ANXA10: variants seen among roughly 807,000 people sequenced by gnomAD.
The protein encoded by ANXA10 is annexin 14.
In ANXA10, 49 loss-of-function variants were observed where a neutral mutation model predicts 53.5. The observed-to-expected ratio is 0.92, with a 90% confidence interval of 0.73 to 1.16. The LOEUF is 1.16. ANXA10 is among the 50% of genes most tolerant of loss of function. ANXA10 has a pLI of 0.00. For synonymous variants in ANXA10, 131 were observed against 128.9 expected (o/e 1.02, Z -0.11); for missense variants, 393 against 394.4 (o/e 1.00, Z 0.03).
chr4:168,177,977 C>A lies in ANXA10; in HGVS notation c.622C>A (p.Arg208=), dbSNP rs139578233. 14 of 1,613,110 alleles carry A rather than the reference C, an allele frequency of 8.7e-6. No homozygotes were observed. The African/African-American group carries it at 1.6e-4, about 18-fold the overall frequency. Residue 208 remains arginine (R), a synonymous_variant, in exon 8 of 12, where the codon CGG becomes AGG. Coordinates refer to ENST00000359299, the MANE Select transcript of ANXA10 (RefSeq NM_007193.5). ...GTGCAACAAGAGCTACCAGCAGCTG[C>A]GGCTGGGTAATTATTAACTGGGTTT... ...ILCNKSYQQL[R]LVFQEFQNIS... is the part of the protein sequence containing the mutation.
chr4:168,181,930 T>C (rs1732256454), intron 10 of ANXA10, among the ~76,000 whole-genome samples, 189 bp downstream of exon 10: 1 of 152,242 alleles, frequency 6.6e-6, no homozygotes, highest in Non-Finnish European at 1.5e-5. Context: ...AATAATGTTC[T>C]GCTTTCTGTA....
chr4:168,186,722 C>G (rs1300867898), intron 11 of ANXA10, among the ~76,000 whole-genome samples: 2 of 152,090 alleles, frequency 1.3e-5, no homozygotes, highest in Non-Finnish European at 2.9e-5. Context: ...TACTTTCAGT[C>G]ATTTTCTAAA....
chr4:168,174,832 G>A (rs1292674269), intron 6 of ANXA10, among the ~76,000 whole-genome samples: 1 of 152,206 alleles, frequency 6.6e-6, no homozygotes, highest in Non-Finnish European at 1.5e-5. Context: ...GGTGGAGGGA[G>A]TCGAGGCATT....
In ANXA10 at chr4:168,124,980, G is replaced by C. The variant is rs7683886; in HGVS notation, c.19-3104G>C. 2.3e-3 allele frequency among the ~76,000 whole-genome samples: 357 copies of C among 152,242 alleles called. 1 individual carries two copies. The highest frequency in any genetic ancestry group is 8.3e-3 in the African/African-American group (347 of 41,566). ...GAAGGCAAATTACATGAAAACTATT[G>C]TGAGGCTAGGAACGAGGGAATGGGA... is the stretch of plus-strand genomic sequence containing the variant. On this transcript the variant is annotated intron_variant, in intron 1 of 11. Transcript: ENST00000359299.
chr4:168,126,785 T>C (rs1731077734), intron 1 of ANXA10, among the ~76,000 whole-genome samples: 1 of 152,200 alleles, frequency 6.6e-6, no homozygotes, highest in African/African-American at 2.4e-5. Flanking sequence ...GTTGTACTTC[T>C]AAGAATAAAA....
intron 3 of ANXA10, among the ~76,000 whole-genome samples, chr4:168,147,799 C>T (rs909684633): frequency 6.6e-6 from 1 of 152,168 alleles, no homozygotes; most frequent in African/African-American, 2.4e-5. Flanking sequence ...TCCACAAAGG[C>T]AAATGGGCAT....
chr4:168,183,824 C>T (rs1290585031), intron 10 of ANXA10, among the ~76,000 whole-genome samples: 1 of 152,136 alleles, frequency 6.6e-6, no homozygotes, highest in African/African-American at 2.4e-5. Flanking sequence ...TTAACCACCT[C>T]AAATTATGAA....
chr4:168,102,293 T>A (rs1035217712), intron 1 of ANXA10, among the ~76,000 whole-genome samples: 1 of 152,094 alleles, frequency 6.6e-6, no homozygotes, highest in Non-Finnish European at 1.5e-5. Flanking sequence ...CAAAATGTGC[T>A]TTTTGTGGTA....
intron 4 of ANXA10, among the ~76,000 whole-genome samples, chr4:168,163,119 C>G (rs886421314): frequency 6.6e-6 from 1 of 151,576 alleles, no homozygotes; most frequent in African/African-American, 2.4e-5. Context: ...TCATTCTTTA[C>G]AGAAACATTT....
intron 1 of ANXA10, among the ~76,000 whole-genome samples, chr4:168,115,870 G>A (rs1730884857): frequency 6.6e-6 from 1 of 152,170 alleles, no homozygotes; most frequent in African/African-American, 2.4e-5. Context: ...AAACGCAGGT[G>A]AAGATGCCTA....
intron 1 of ANXA10, among the ~76,000 whole-genome samples, chr4:168,107,301 G>C (rs1204183555): frequency 6.6e-6 from 1 of 152,108 alleles, no homozygotes; most frequent in Non-Finnish European, 1.5e-5. Flanking sequence ...GAGAATAGGA[G>C]CAATTTAAGT....
At chr4:168,103,813 T>C (rs1730678178) in intron 1 of ANXA10, among the ~76,000 whole-genome samples, 1 of 151,938 alleles carries the variant, frequency 6.6e-6, no homozygotes, top group African/African-American at 2.4e-5. Context: ...CTTTATTTAT[T>C]TATCTTTTTA....
chr4:168,172,560 G>A (rs1732033944), intron 6 of ANXA10, among the ~76,000 whole-genome samples: 1 of 152,138 alleles, frequency 6.6e-6, no homozygotes, highest in Admixed American at 6.5e-5. Context: ...TGCCTACCAT[G>A]TGCCAAGCAT....
chr4:168,141,327 A>G (rs1731321788), intron 3 of ANXA10, among the ~76,000 whole-genome samples: 1 of 152,050 alleles, frequency 6.6e-6, no homozygotes, highest in Admixed American at 6.6e-5. Context: ...CTCTTCACAC[A>G]TTTCTCTCTT....
At chr4:168,154,003 C>T (rs1471465163) in intron 3 of ANXA10, among the ~76,000 whole-genome samples, 1 of 151,116 alleles carries the variant, frequency 6.6e-6, no homozygotes, top group African/African-American at 2.4e-5. Flanking sequence ...CACACACACA[C>T]GCACACACGC....
chr4:168,152,686 T>A (rs1020306310), intron 3 of ANXA10, among the ~76,000 whole-genome samples: 2 of 151,204 alleles, frequency 1.3e-5, no homozygotes, highest in Non-Finnish European at 2.9e-5. Flanking sequence ...TGGAGGCTAT[T>A]ATATATACAT....
At chr4:168,126,896 T>C (rs1034942356) in intron 1 of ANXA10, among the ~76,000 whole-genome samples, 5 of 152,212 alleles carry the variant, frequency 3.3e-5, no homozygotes, top group African/African-American at 1.2e-4. Flanking sequence ...ATTCAATTCT[T>C]AGTTTTGAGT....
intron 1 of ANXA10, among the ~76,000 whole-genome samples, chr4:168,098,734 C>G (rs1438316985): frequency 6.6e-6 from 1 of 151,908 alleles, no homozygotes; most frequent in East Asian, 1.9e-4. Flanking sequence ...ATATATTCTT[C>G]CTCAGTTATA....
chr4:168,136,167 A>G (rs972011165), intron 2 of ANXA10, among the ~76,000 whole-genome samples: 2 of 152,170 alleles, frequency 1.3e-5, no homozygotes, highest in Admixed American at 1.3e-4. Flanking sequence ...CCCCTCCTCC[A>G]ACACTGGGGA....
Sources: allele counts gnomAD v4.1 joint callset (sites outside exome capture counted in the v4.1 genomes callset), GRCh38; gene constraint gnomAD v4.1.1; transcripts MANE v1.5; gene names NCBI Gene and HGNC (gene_info 2026-07-23, HGNC 2026-07-21).